The following GPHN variants were observed in gnomAD, a reference collection of about 807,000 sequenced individuals.
The protein encoded by GPHN is gephyrin.
Under a neutral mutation model 95.5 loss-of-function variants are expected in GPHN, and 17 were observed. The observed-to-expected ratio is 0.18, with a 90% CI of 0.12 to 0.27. The LOEUF (loss-of-function observed/expected upper bound fraction) is 0.27. Ranked by LOEUF, GPHN falls within the 10% of genes least tolerant of loss-of-function variation. The probability of loss-of-function intolerance (pLI) is 1.00; values close to 1 mark genes in which losing one functional copy is unlikely to be tolerated. For missense variants in GPHN, 660 were observed against 978.1 expected, an observed-to-expected ratio of 0.67 and a Z score of 4.34; for synonymous variants, 320 against 322.5, an observed-to-expected ratio of 0.99 and a Z score of 0.08.
chr14:67,349,253 G>A, the GPHN span: 20 of 740,308 alleles, frequency 2.7e-5, no homozygotes, highest in South Asian at 3.2e-4. Flanking sequence ...CAAAAAGGGA[G>A]AAAAGTCATT....
chr14:67,180,836 C>T lies in GPHN; in HGVS notation c.2209C>T (p.Arg737Cys), dbSNP rs1484644467. 1.2e-6 allele frequency: 2 copies of T among 1,613,462 alleles called. No individual in the cohort carries two copies. The highest frequency in any genetic ancestry group is 1.1e-5 in the South Asian group (1 of 91,054). Reference protein sequence around the residue: ...NQMSSRLMSMRSANGLLMLPP... With the variant: ...NQMSSRLMSMCSANGLLMLPP... ...AATGAGCAGCCGTCTGATGAGCATG[C>T]GCAGTGCCAATGGATTGTTGATGCT... Residue 737 changes from arginine to cysteine, a missense_variant, in exon 23 of 23, where the codon CGC (arginine) becomes TGC (cysteine). This residue lies in a region of GPHN where 48 missense variants were observed against 137.4 expected (regional missense o/e 0.35). Transcript: ENST00000478722.
the GPHN span, among the ~76,000 whole-genome samples, chr14:67,548,384 G>T: frequency 6.6e-6 from 1 of 152,090 alleles, no homozygotes; most frequent in South Asian, 2.1e-4. Context: ...TATGCCAAAA[G>T]GGCTTTGAGG....
intron 10 of GPHN, among the ~76,000 whole-genome samples, chr14:67,056,039 G>A (rs1172716932): frequency 6.6e-6 from 1 of 152,222 alleles, no homozygotes; most frequent in Non-Finnish European, 1.5e-5. Flanking sequence ...GACCCAAAGA[G>A]TGAGCAGCAG....
chr14:66,659,909 A>G (rs993475712), intron 1 of GPHN, among the ~76,000 whole-genome samples: 3 of 152,084 alleles, frequency 2.0e-5, no homozygotes, highest in African/African-American at 7.2e-5. Context: ...TTACATTTAT[A>G]TAATTAATTA....
chr14:67,727,476 G>GTTTTTTTTGTTTTTTTTTTTTTTTTTTT, the GPHN span: 1 of 295,164 alleles, frequency 3.4e-6, no homozygotes, highest in Non-Finnish European at 6.5e-6. Context: ...GAGGCTTTTT[G>GTTTTTTTTGTTTTTTTTTTTTTTTTTTT]TTTTTTTTGT....
At chr14:66,724,649 A>G (rs1326193551) in intron 2 of GPHN, among the ~76,000 whole-genome samples, 1 of 152,178 alleles carries the variant, frequency 6.6e-6, no homozygotes, top group Non-Finnish European at 1.5e-5. Flanking sequence ...TACCTCTTAC[A>G]TGAGAGTCTT....
the GPHN span, among the ~76,000 whole-genome samples, chr14:67,697,326 C>T: frequency 3.1e-4 from 47 of 152,166 alleles, 1 homozygote; most frequent in South Asian, 5.6e-3. Flanking sequence ...AACATTTGAG[C>T]GGAGGCCAGA....
At chr14:66,788,158 A>T (rs1354036573) in intron 3 of GPHN, among the ~76,000 whole-genome samples, 1 of 152,098 alleles carries the variant, frequency 6.6e-6, no homozygotes, top group Non-Finnish European at 1.5e-5. Context: ...AAAATACAAA[A>T]ACTACCCAGA....
intron 11 of GPHN, among the ~76,000 whole-genome samples, chr14:67,059,441 AGT>A (rs1454421419): frequency 6.6e-6 from 1 of 152,218 alleles, no homozygotes; most frequent in East Asian, 1.9e-4. Context: ...AGTTGTATTT[AGT>A]GCAATTTGAA....
chr14:67,709,429 CATAACCTTT>C, the GPHN span, among the ~76,000 whole-genome samples: 3 of 152,224 alleles, frequency 2.0e-5, no homozygotes, highest in African/African-American at 7.2e-5. Context: ...ATAAGCCTTT[CATAACCTTT>C]ATAACCTTTA....
chr14:66,907,554 G>A (rs2065446475), intron 5 of GPHN, among the ~76,000 whole-genome samples: 1 of 148,464 alleles, frequency 6.7e-6, no homozygotes, highest in Non-Finnish European at 1.5e-5. Context: ...CACAAGGAAG[G>A]CTTAATATAT....
the GPHN span, chr14:67,294,355 A>G: frequency 2.6e-5 from 4 of 152,204 alleles, no homozygotes; most frequent in East Asian, 1.9e-4. Context: ...TAAATCTGAT[A>G]ACAAAATCGT....
At chr14:67,470,187 C>A in the GPHN span, 6 of 152,228 alleles carry the variant, frequency 3.9e-5, no homozygotes, top group Admixed American at 2.0e-4. Flanking sequence ...GGCATGATGC[C>A]AGGGTGCAAA....
the GPHN span, among the ~76,000 whole-genome samples, chr14:67,264,088 A>G: frequency 6.6e-6 from 1 of 152,188 alleles, no homozygotes; most frequent in African/African-American, 2.4e-5. Context: ...AAATGAACAT[A>G]TAAGGTTGGT....
At chr14:66,959,453 T>C (rs1221389594) in intron 8 of GPHN, among the ~76,000 whole-genome samples, 2 of 152,150 alleles carry the variant, frequency 1.3e-5, no homozygotes, top group African/African-American at 4.8e-5. Flanking sequence ...TAGGGCAGAT[T>C]TATGAGCAAT....
chr14:67,079,733 A>C (rs1595055911), intron 11 of GPHN, among the ~76,000 whole-genome samples: 1 of 151,804 alleles, frequency 6.6e-6, no homozygotes, highest in Admixed American at 6.6e-5. Flanking sequence ...CAAATTCAAA[A>C]CTCTCTATCC....
At chr14:67,270,776 T>C in the GPHN span, 6 of 152,220 alleles carry the variant, frequency 3.9e-5, no homozygotes, top group Middle Eastern at 3.2e-3. Flanking sequence ...GGAAGAACTT[T>C]AGGATCTTTC....
intron 3 of GPHN, among the ~76,000 whole-genome samples, chr14:66,807,003 C>T (rs528658622): frequency 1.1e-4 from 16 of 152,008 alleles, no homozygotes; most frequent in Non-Finnish European, 1.9e-4. Flanking sequence ...AAGACATACC[C>T]GAGACTCGGC....
intron 1 of GPHN, among the ~76,000 whole-genome samples, chr14:66,594,075 G>C (rs556958900): frequency 6.6e-6 from 1 of 152,088 alleles, no homozygotes; most frequent in African/African-American, 2.4e-5. Context: ...ATTTACAGTA[G>C]TTTCAAAAAT....
Sources: gnomAD v4.1 joint callset for allele counts (sites outside exome capture counted in the v4.1 genomes callset) on GRCh38, gnomAD v4.1.1 for gene constraint, gnomAD v4.1.1 regional missense constraint, MANE v1.5 for transcripts, NCBI Gene and HGNC (gene_info 2026-07-23, HGNC 2026-07-21) for gene names.